The following TECRL variants were observed in gnomAD, a reference collection of about 807,000 sequenced individuals.
TECRL encodes the protein trans-2,3-enoyl-CoA reductase-like.
TECRL carries 63 observed loss-of-function variants against 52.8 expected under a neutral mutation model. That is an observed-to-expected ratio of 1.19 (90% CI 0.97 to 1.47). The LOEUF (loss-of-function observed/expected upper bound fraction) is 1.47, where lower values mean the gene tolerates loss of function less well. Ranked by LOEUF, TECRL falls within the 40% of genes most tolerant of loss-of-function variation. TECRL has a pLI of 0.00. For synonymous variants in TECRL, 164 were observed against 141.9 expected (o/e 1.16, Z -1.10); for missense variants, 482 against 429.6 (o/e 1.12, Z -1.08).
chr4:64,356,397 T>C (rs1014646372), intron 2 of TECRL, among the ~76,000 whole-genome samples: 7 of 152,132 alleles, frequency 4.6e-5, no homozygotes, highest in Non-Finnish European at 1.0e-4. Flanking sequence ...ACTGAATGTC[T>C]CGGTATAAAA....
intron 4 of TECRL, among the ~76,000 whole-genome samples, chr4:64,316,834 T>C (rs1717528353): frequency 1.3e-5 from 2 of 152,314 alleles, no homozygotes; most frequent in Middle Eastern, 3.4e-3. Flanking sequence ...TATCAAATAG[T>C]ATTTATAGCT....
Position 64,281,072 on chromosome 4 carries a change from A to C in TECRL, c.933T>G (p.Ile311Met). 6.2e-7 allele frequency: 1 copy of C among 1,602,600 alleles called. No individual in the cohort carries two copies. Among genetic ancestry groups the C allele is most frequent in the Non-Finnish European group, 8.5e-7 (1 of 1,172,520 alleles). The change falls in exon 11 of 12, where the codon ATT becomes ATG. Residue 311 changes from isoleucine (I) to methionine (M), a missense_variant. Physicochemically the swap from Ile to Met is conservative, Grantham distance 10. Transcript: ENST00000381210. ...PNYTYEIGSW[I>M]SFTVMTQTLP... ...GTGTTTGTGTCATGACTGTGAAACT[A>C]ATCCATGATCCAATCTGTTATATTA...
chr4:64,402,849 C>T (rs545618081), intron 1 of TECRL, among the ~76,000 whole-genome samples: 1 of 152,198 alleles, frequency 6.6e-6, no homozygotes, highest in African/African-American at 2.4e-5. Flanking sequence ...ACTCACGTGT[C>T]TTATCTCCCA....
intron 1 of TECRL, among the ~76,000 whole-genome samples, chr4:64,379,045 A>G (rs1331895135): frequency 6.6e-6 from 1 of 151,966 alleles, no homozygotes; most frequent in African/African-American, 2.4e-5. Flanking sequence ...GTTAATATCA[A>G]TTATGCCGTT....
At chr4:64,324,964 T>C (rs1027602243) in intron 3 of TECRL, among the ~76,000 whole-genome samples, 2 of 152,108 alleles carry the variant, frequency 1.3e-5, no homozygotes, top group Non-Finnish European at 2.9e-5. Flanking sequence ...TTATATTGCA[T>C]GGCTTTAAAA....
At chr4:64,294,612 G>A (rs888559503) in intron 8 of TECRL, among the ~76,000 whole-genome samples, 1 of 152,036 alleles carries the variant, frequency 6.6e-6, no homozygotes, top group African/African-American at 2.4e-5. Context: ...CAAAAAAAAA[G>A]TGTCTGATGA....
intron 4 of TECRL, 80 bp from the exon 5 acceptor site, chr4:64,314,843 A>G (rs532299756): frequency 1.0e-6 from 1 of 986,998 alleles, no homozygotes; most frequent in Middle Eastern, 2.3e-4. Flanking sequence ...GTATTAGCCT[A>G]CTGCATAAAT....
downstream of TECRL, among the ~76,000 whole-genome samples, chr4:64,277,407 CTTT>C (rs1560463952): frequency 6.6e-6 from 1 of 151,806 alleles, no homozygotes; most frequent in Non-Finnish European, 1.5e-5. Flanking sequence ...ATTGACATTT[CTTT>C]TTAAGATCAT....
chr4:64,378,898 G>A (rs2348506), intron 1 of TECRL, among the ~76,000 whole-genome samples: 135,800 of 150,966 alleles, frequency 0.9, 61,492 homozygotes, highest in East Asian at 1. Context: ...TATCAATTTT[G>A]TTTATAAACT....
chr4:64,391,955 ATT>A (rs1340143692), intron 1 of TECRL, among the ~76,000 whole-genome samples: 1 of 151,884 alleles, frequency 6.6e-6, no homozygotes, highest in African/African-American at 2.4e-5. Context: ...TTCAAATTTA[ATT>A]GAATGCACCT....
chr4:64,388,213 C>A (rs1723307087), intron 1 of TECRL, among the ~76,000 whole-genome samples: 2 of 106,548 alleles, frequency 1.9e-5, no homozygotes, highest in Admixed American at 1.3e-4. Flanking sequence ...TAAGATGAGT[C>A]TAAATCCTTT....
chr4:64,284,215 T>C (rs568016540), intron 9 of TECRL, among the ~76,000 whole-genome samples: 2 of 152,152 alleles, frequency 1.3e-5, no homozygotes, highest in East Asian at 3.9e-4. Context: ...GATATGCACC[T>C]GGAAGCATGA....
intron 5 of TECRL, among the ~76,000 whole-genome samples, chr4:64,310,595 C>A (rs1724618133): frequency 6.6e-6 from 1 of 152,020 alleles, no homozygotes. Flanking sequence ...GTATATTTTT[C>A]TGGATATACT....
intron 1 of TECRL, among the ~76,000 whole-genome samples, chr4:64,398,465 A>C (rs13151311): frequency 0.6 from 90,820 of 151,886 alleles, 29,951 homozygotes; most frequent in Non-Finnish European, 0.74. Context: ...AAGGTGTGTC[A>C]CATCTCTTCT....
intron 3 of TECRL, among the ~76,000 whole-genome samples, chr4:64,328,003 G>C (rs937800477): frequency 6.6e-6 from 1 of 151,842 alleles, no homozygotes; most frequent in Non-Finnish European, 1.5e-5. Context: ...GTAATTATTG[G>C]TAGGAGCCAT....
intron 2 of TECRL, among the ~76,000 whole-genome samples, chr4:64,374,778 G>A (rs1008886437): frequency 1.3e-5 from 2 of 151,974 alleles, no homozygotes; most frequent in Non-Finnish European, 2.9e-5. Flanking sequence ...TCCATGGTGT[G>A]TATGTGCCAC....
At chr4:64,328,729 G>T (rs1264446256) in intron 2 of TECRL, among the ~76,000 whole-genome samples, 173 bp from the exon 3 acceptor site, 2 of 151,844 alleles carry the variant, frequency 1.3e-5, no homozygotes, top group African/African-American at 4.8e-5. Context: ...AGCAATGACG[G>T]ATAGTGACTG....
intron 1 of TECRL, among the ~76,000 whole-genome samples, chr4:64,394,907 A>AT (rs751448355): frequency 0.019 from 2,025 of 105,048 alleles, 45 homozygotes; most frequent in Non-Finnish European, 0.022. Flanking sequence ...ATTAACAAGC[A>AT]TTTTTTTTTT....
At chr4:64,395,948 A>G (rs1439549083) in intron 1 of TECRL, among the ~76,000 whole-genome samples, 1 of 152,138 alleles carries the variant, frequency 6.6e-6, no homozygotes, top group African/African-American at 2.4e-5. Context: ...TTCCTCAGTT[A>G]ATTCACTTAG....
Sources: gnomAD v4.1 joint callset for allele counts (sites outside exome capture counted in the v4.1 genomes callset) on GRCh38, gnomAD v4.1.1 for gene constraint, MANE v1.5 for transcripts, NCBI Gene and HGNC (gene_info 2026-07-23, HGNC 2026-07-21) for gene names.